Variants in TSNARE1 observed in about 807,000 individuals in gnomAD.
TSNARE1 encodes t-SNARE domain containing 1, also known as t-SNARE domain-containing protein 1.
In TSNARE1, 49 loss-of-function variants were observed where a neutral mutation model predicts 62.0. The ratio of observed to expected loss-of-function variants is 0.79; its 90% confidence interval spans 0.63 to 1.00. The LOEUF (loss-of-function observed/expected upper bound fraction) is 1.00, where lower values mean the gene tolerates loss of function less well. Among genes scored for constraint, TSNARE1 ranks in the 50% least tolerant of loss-of-function variants. The pLI, the probability that TSNARE1 is intolerant of heterozygous loss-of-function variation, is 0.00. For missense variants in TSNARE1, 755 were observed against 700.1 expected, an observed-to-expected ratio of 1.08 and a Z score of -0.88; for synonymous variants, 328 against 294.4, an observed-to-expected ratio of 1.11 and a Z score of -1.17.
At chr8:142,232,528 C>T (rs1231720231) in intron 12 of TSNARE1, among the ~76,000 whole-genome samples, 2 of 152,250 alleles carry the variant, frequency 1.3e-5, no homozygotes, top group African/African-American at 2.4e-5. Flanking sequence ...CAGAAACGGA[C>T]AGGCCAAAGG....
At chr8:142,363,196 C>T (rs1355902650) in intron 1 of TSNARE1, among the ~76,000 whole-genome samples, 1 of 152,184 alleles carries the variant, frequency 6.6e-6, no homozygotes, top group African/African-American at 2.4e-5. Flanking sequence ...AGAGCCATCC[C>T]AAGACCATGT....
intron 13 of TSNARE1, among the ~76,000 whole-genome samples, chr8:142,213,450 A>C (rs151194250): frequency 7.3e-5 from 11 of 151,562 alleles, no homozygotes; most frequent in Admixed American, 7.2e-4. Flanking sequence ...TGCAGCAAGC[A>C]TGTATCATTT....
intron 9 of TSNARE1, among the ~76,000 whole-genome samples, chr8:142,303,847 G>A (rs1826193431): frequency 6.6e-6 from 1 of 152,118 alleles, no homozygotes; most frequent in Non-Finnish European, 1.5e-5. Flanking sequence ...GCATGAGGCT[G>A]GAGACAACAG....
chr8:142,379,414 C>G (rs1020828648), intron 1 of TSNARE1, among the ~76,000 whole-genome samples: 1 of 152,174 alleles, frequency 6.6e-6, no homozygotes, highest in African/African-American at 2.4e-5. Context: ...GCACGCTGGC[C>G]GAGGGGCTAC....
Position 142,318,603 on chromosome 8 carries a change from T to C in TSNARE1, c.925A>G (p.Ile309Val). 6.2e-7 allele frequency: 1 copy of C among 1,613,486 alleles called. No individual in the cohort carries two copies. Among genetic ancestry groups the C allele is most frequent in the Non-Finnish European group, 8.5e-7 (1 of 1,179,918 alleles). The change falls in exon 7 of 14, where the codon ATT (isoleucine) becomes GTT (valine). Residue 309 changes from isoleucine to valine, a missense_variant. By Grantham distance (29) the Ile-to-Val change is conservative. Transcript: ENST00000524325. The part of the protein sequence containing the change: ...HTAQQETNKT[I>V]AASASSVKQM... The stretch of plus-strand genomic sequence containing the variant: ...TTCACGGAGCTGGCGCTGGCTGCAA[T>C]GGTCTTGTTGGTCTCCTGCTGTGCC...
intron 1 of TSNARE1, among the ~76,000 whole-genome samples, chr8:142,359,841 C>T (rs912861399): frequency 6.6e-6 from 1 of 152,232 alleles, no homozygotes; most frequent in Admixed American, 6.5e-5. Context: ...GCCTCAGACA[C>T]CCTGGCCACA....
intron 6 of TSNARE1, among the ~76,000 whole-genome samples, chr8:142,323,772 G>A (rs1219127283): frequency 2.6e-5 from 4 of 152,196 alleles, no homozygotes; most frequent in Admixed American, 1.3e-4. Context: ...GCCATCACGA[G>A]GCAGTTGCCA....
intron 1 of TSNARE1, among the ~76,000 whole-genome samples, chr8:142,380,134 C>T (rs1325158929): frequency 1.3e-5 from 2 of 152,316 alleles, no homozygotes; most frequent in East Asian, 1.9e-4. Context: ...GGGCGTACCA[C>T]GTCACCAGGC....
chr8:142,219,744 C>A (rs1425675769), intron 13 of TSNARE1, among the ~76,000 whole-genome samples: 1 of 152,200 alleles, frequency 6.6e-6, no homozygotes, highest in African/African-American at 2.4e-5. Flanking sequence ...CTGAGCCCTG[C>A]CTATGAGGAT....
intron 13 of TSNARE1, among the ~76,000 whole-genome samples, chr8:142,228,920 T>A (rs1007879686): frequency 6.6e-6 from 1 of 151,328 alleles, no homozygotes; most frequent in African/African-American, 2.4e-5. Context: ...GGATGGTAGC[T>A]AGGTGGATGT....
At chr8:142,359,871 G>A (rs1165279622) in intron 1 of TSNARE1, among the ~76,000 whole-genome samples, 1 of 152,240 alleles carries the variant, frequency 6.6e-6, no homozygotes, top group African/African-American at 2.4e-5. Context: ...TCCTGTCCCA[G>A]CAGGAGCACA....
At chr8:142,280,789 G>A (rs914566888) in intron 11 of TSNARE1, among the ~76,000 whole-genome samples, 2 of 152,164 alleles carry the variant, frequency 1.3e-5, no homozygotes, top group Non-Finnish European at 2.9e-5. Context: ...AGCTGACAGT[G>A]GGGAGAAGGG....
At chr8:142,361,289 C>A (rs974975288) in intron 1 of TSNARE1, among the ~76,000 whole-genome samples, 13 of 152,208 alleles carry the variant, frequency 8.5e-5, no homozygotes, top group Non-Finnish European at 1.8e-4. Context: ...CGTGCTTGTC[C>A]CATGGGGGAG....
intron 13 of TSNARE1, among the ~76,000 whole-genome samples, chr8:142,227,380 A>T (rs112530021): frequency 1.2e-3 from 104 of 88,488 alleles, no homozygotes; most frequent in African/African-American, 6.5e-3. Context: ...CAGGACCCCC[A>T]TCCTGCCAAT....
rs149243743 is a variant in TSNARE1, at chr8:142,399,884, G to A, written c.-40+3220C>T. 1.3e-3 allele frequency among the ~76,000 whole-genome samples: 202 copies of A among 152,246 alleles called. 2 individuals carry two copies. The highest frequency in any genetic ancestry group is 1.8e-3 in the Admixed American group (27 of 15,296). On this transcript the variant is annotated intron_variant, in intron 1 of 13. Coordinates refer to ENST00000524325, the MANE Select transcript of TSNARE1 (RefSeq NM_145003.5). ...AAACAAACCCAGTAGCCACAGAAAC[G>A]CCCGTGTGCATTAAAACAAAAAGCC...
At chr8:142,285,479 G>A (rs1343222154) in intron 10 of TSNARE1, among the ~76,000 whole-genome samples, 1 of 149,824 alleles carries the variant, frequency 6.7e-6, no homozygotes, top group Non-Finnish European at 1.5e-5. Context: ...GTGCATGGGT[G>A]GGTAGATGGG....
intron 4 of TSNARE1, among the ~76,000 whole-genome samples, chr8:142,334,579 C>T (rs1480917069): frequency 6.6e-6 from 1 of 152,122 alleles, no homozygotes; most frequent in African/African-American, 2.4e-5. Flanking sequence ...AAACTATAAA[C>T]TCGGAGATTC....
chr8:142,371,206 TA>T (rs1835889645), intron 1 of TSNARE1, among the ~76,000 whole-genome samples: 1 of 152,198 alleles, frequency 6.6e-6, no homozygotes, highest in Non-Finnish European at 1.5e-5. Flanking sequence ...AACTGATAGT[TA>T]AAAACCTTCC....
At chr8:142,352,867 TC>T (rs1428184075) in intron 2 of TSNARE1, among the ~76,000 whole-genome samples, 1 of 152,086 alleles carries the variant, frequency 6.6e-6, no homozygotes, top group Non-Finnish European at 1.5e-5. Context: ...GCGCACCACC[TC>T]CGAACCGTTA....
Sources: allele counts gnomAD v4.1 joint callset (sites outside exome capture counted in the v4.1 genomes callset), GRCh38; gene constraint gnomAD v4.1.1; transcripts MANE v1.5; gene names NCBI Gene and HGNC (gene_info 2026-07-23, HGNC 2026-07-21).